SERP1: variants seen among roughly 807,000 people sequenced by gnomAD.
SERP1 encodes the protein stress associated endoplasmic reticulum protein 1, also known as stress-associated endoplasmic reticulum protein 1.
In SERP1, 6 loss-of-function variants were observed where a neutral mutation model predicts 8.8. The ratio of observed to expected loss-of-function variants is 0.68; its 90% CI spans 0.37 to 1.35. The LOEUF (loss-of-function observed/expected upper bound fraction) is 1.35, where lower values mean the gene tolerates loss of function less well. Among genes scored for constraint, SERP1 ranks in the 40% most tolerant of loss-of-function variants. The pLI is 0.02. For synonymous variants in SERP1, 36 were observed against 28.7 expected (o/e 1.25, Z -0.81); for missense variants, 52 against 86.2 (o/e 0.60, Z 1.57).
chr3:150,544,647 AG>A (rs1442349314), intron 2 of SERP1, 149 bp from the exon 3 acceptor site: 1 of 551,496 alleles, frequency 1.8e-6, no homozygotes, highest in East Asian at 3.1e-5. Flanking sequence ...AAGTGAAGAC[AG>A]GCCTGTCTGA....
rs1015504264 is a variant in SERP1, at chr3:150,543,304, C to T, written c.*1154G>A. 1.4e-4 allele frequency: 21 copies of T among 152,598 alleles called. No homozygotes were observed. The highest frequency in any genetic ancestry group is 4.8e-4 in the African/African-American group (20 of 41,528). 9.5% of individuals were successfully genotyped at this position (152,598 alleles called of 1,614,324 possible). Reference sequence around the variant, plus strand: ...CAAAACCTGCCCTATGACCCTCACCCTTACCATTAGTAAAACGTAAATTTG... The same window carrying T: ...CAAAACCTGCCCTATGACCCTCACCTTTACCATTAGTAAAACGTAAATTTG... On this transcript the variant is annotated 3_prime_UTR_variant, in exon 3 of 3. Transcript: ENST00000239944.
Position 150,546,190 on chromosome 3 carries a change from C to T in SERP1, c.-55G>A. The T allele has an allele frequency of 6.3e-7, 1 of 1,587,708 alleles. No individual in the cohort carries two copies. ...CCCCTCGGACTCGCTCACTCGCCTG[C>T]CTCCTCTGGAGCCGCTGCGAGGCTC... On this transcript the variant is annotated 5_prime_UTR_variant, in exon 1 of 3. Transcript: ENST00000239944.
intron 2 of SERP1, 91 bp downstream of exon 2, chr3:150,545,612 G>A (rs1021304017): frequency 2.5e-6 from 3 of 1,193,824 alleles, no homozygotes; most frequent in African/African-American, 3.0e-5. Context: ...TGAGAACTAC[G>A]CAGGTAGGAC....
In SERP1 at chr3:150,543,804, C is replaced by G. The variant is rs1165145341; in HGVS notation, c.*654G>C. 6.6e-6 allele frequency: 1 copy of G among 152,000 alleles called. No homozygotes were observed. Among genetic ancestry groups the G allele is most frequent in the African/African-American group, 2.4e-5 (1 of 41,376 alleles). 9.4% of individuals were successfully genotyped at this position (152,000 alleles called of 1,614,324 possible). On this transcript the variant is annotated 3_prime_UTR_variant, in exon 3 of 3. Coordinates refer to ENST00000239944, the MANE Select transcript of SERP1 (RefSeq NM_014445.4). ...TTATGGCATCTTGGGTTACTATACTCACTCATGCAAAATCCAAGGTAGTGT... is the reference window on the plus strand; with the variant it reads ...TTATGGCATCTTGGGTTACTATACTGACTCATGCAAAATCCAAGGTAGTGT...
intron 1 of SERP1, 27 bp downstream of exon 1, chr3:150,546,025 G>C: frequency 6.2e-7 from 1 of 1,612,100 alleles, no homozygotes. Flanking sequence ...GCTGCGGAAC[G>C]CAGAGGGGCG....
rs1308583922 is a variant in SERP1 at position 150,543,202 on chromosome 3, T to G, written c.*1256A>C. ...CAACGCATTAATACATAGACACTGC[T>G]CAGGTTTTTTTTCACCAAGTTATGG... On this transcript the variant is annotated 3_prime_UTR_variant, in exon 3 of 3. Transcript: ENST00000239944. 6.6e-6 allele frequency: 1 copy of G among 152,616 alleles called. No homozygotes were observed. Among genetic ancestry groups the G allele is most frequent in the Non-Finnish European group, 1.5e-5 (1 of 68,026 alleles). The allele number at this position is 152,616 out of a possible 1,614,324, so 9.5% of individuals were successfully genotyped here. A position where few individuals can be genotyped will look rare whatever the true frequency, so the allele number is the denominator to read the frequency against.
chr3:150,542,156 T>G lies in SERP1; in HGVS notation c.*2302A>C, dbSNP rs1183312758. The G allele has an allele frequency of 6.6e-6, 1 of 152,260 alleles. No individual in the cohort carries two copies. Among genetic ancestry groups the G allele is most frequent in the Non-Finnish European group, 1.5e-5 (1 of 68,046 alleles). 9.4% of individuals were successfully genotyped at this position (152,260 alleles called of 1,614,324 possible). On this transcript the variant is annotated 3_prime_UTR_variant, in exon 3 of 3. Coordinates refer to ENST00000239944, the MANE Select transcript of SERP1 (RefSeq NM_014445.4). ...TGACAACTTGTTGAAATGTTAGAGT[T>G]AAACCACAAAGAGTAACTGAGTAAT...
rs771649726 is a variant in SERP1, at chr3:150,546,178, C to T, written c.-43G>A. The T allele has an allele frequency of 9.4e-6, 15 of 1,600,634 alleles. No individual in the cohort carries two copies. The South Asian group carries it at 1.7e-4, about 18-fold the overall frequency. Reference sequence around the variant, plus strand: ...CTGCCCCGGCCACCCCTCGGACTCGCTCACTCGCCTGCCTCCTCTGGAGCC... The same window carrying T: ...CTGCCCCGGCCACCCCTCGGACTCGTTCACTCGCCTGCCTCCTCTGGAGCC... On this transcript the variant is annotated 5_prime_UTR_variant, in exon 1 of 3. Coordinates refer to ENST00000239944, the MANE Select transcript of SERP1 (RefSeq NM_014445.4).
Position 150,546,296 on chromosome 3 carries a change from A to G in SERP1, c.-161T>C. 5 of 760,622 alleles carry G rather than the reference A, an allele frequency of 6.6e-6. No individual in the cohort carries two copies. The highest frequency in any genetic ancestry group is 1.0e-5 in the Non-Finnish European group (5 of 486,500). 47.1% of individuals were successfully genotyped at this position (760,622 alleles called of 1,614,324 possible). ...ACGGCCGCTGGGCCTGGGCGCCGCA[A>G]GCGCGAGGTCTGAGCACAAGCCGGG... On this transcript the variant is annotated 5_prime_UTR_variant, in exon 1 of 3. Transcript: ENST00000239944.
rs994982391 is a variant in SERP1 at position 150,543,498 on chromosome 3, A to G, written c.*960T>C. On this transcript the variant is annotated 3_prime_UTR_variant, in exon 3 of 3. Coordinates refer to ENST00000239944, the MANE Select transcript of SERP1 (RefSeq NM_014445.4). The stretch of plus-strand genomic sequence containing the variant: ...ATTTGCAAACTAAGGATAACTTCGC[A>G]GTTGATGTGCCTTTTTTTGCTATTA... The G allele has an allele frequency of 1.3e-5, 2 of 152,626 alleles. No individual in the cohort carries two copies. Among genetic ancestry groups the G allele is most frequent in the African/African-American group, 4.8e-5 (2 of 41,436 alleles). 9.5% of individuals were successfully genotyped at this position (152,626 alleles called of 1,614,324 possible).
rs780967478 is a variant in SERP1, at chr3:150,544,466, C to T, written c.193G>A (p.Gly65Ser). ...TCTTAAGGTCAGTCACTTCACATGC[C>T]CATCCTGATACTTTGAATAATCTGG... ...IFQIIQSIRM[G>S]M The change falls in exon 3 of 3, where the codon GGC becomes AGC. Residue 65 changes from glycine (G) to serine (S), a missense_variant. Transcript: ENST00000239944. 1.2e-6 allele frequency: 2 copies of T among 1,612,456 alleles called. No homozygotes were observed. The highest frequency in any genetic ancestry group is 1.7e-5 in the Admixed American group (1 of 59,922).
At position 150,544,291 on chromosome 3, in the gene SERP1, T is replaced by C. The variant is rs957743926; in HGVS notation, c.*167A>G. 14 of 642,590 alleles carry C rather than the reference T, an allele frequency of 2.2e-5. No individual in the cohort carries two copies. Among genetic ancestry groups the C allele is most frequent in the Non-Finnish European group, 3.3e-5 (12 of 361,574 alleles). 39.8% of individuals were successfully genotyped at this position (642,590 alleles called of 1,614,324 possible). A position where few individuals can be genotyped will look rare whatever the true frequency, so the allele number is the denominator to read the frequency against. ...GGCACTGTGGTATGGACTAGAAAAC[T>C]TGGAATGACTCATGAAGAAACCTTG... On this transcript the variant is annotated 3_prime_UTR_variant, in exon 3 of 3. Transcript: ENST00000239944.
rs1386973434 is a variant in SERP1 at position 150,542,123 on chromosome 3, C to T, written c.*2335G>A. On this transcript the variant is annotated 3_prime_UTR_variant, in exon 3 of 3. Transcript: ENST00000239944. ...AACATTATATACAACCCAACAGATACAATTAATTGACAACTTGTTGAAATG... is the reference window on the plus strand; with the variant it reads ...AACATTATATACAACCCAACAGATATAATTAATTGACAACTTGTTGAAATG... 1 of 152,290 alleles carries T rather than the reference C, an allele frequency of 6.6e-6. No homozygotes were observed. Among genetic ancestry groups the T allele is most frequent in the Non-Finnish European group, 1.5e-5 (1 of 68,016 alleles). The allele number at this position is 152,290 out of a possible 1,614,324, so 9.4% of individuals were successfully genotyped here. A position where few individuals can be genotyped will look rare whatever the true frequency, so the allele number is the denominator to read the frequency against.
chr3:150,544,561 A>G, intron 2 of SERP1, 63 bp from the exon 3 acceptor site: 1 of 1,312,758 alleles, frequency 7.6e-7, no homozygotes, highest in Non-Finnish European at 1.1e-6. Flanking sequence ...GTGTCTAACA[A>G]ATATTTATTA....
At chr3:150,544,921 T>G in intron 2 of SERP1, among the ~76,000 whole-genome samples, 1 of 152,230 alleles carries the variant, frequency 6.6e-6, no homozygotes, top group Non-Finnish European at 1.5e-5. Context: ...TGCTTGGCTC[T>G]CATCCATTTA....
chr3:150,545,602 T>G, intron 2 of SERP1, 101 bp downstream of exon 2: 3 of 1,119,184 alleles, frequency 2.7e-6, no homozygotes, highest in Non-Finnish European at 4.0e-6. Flanking sequence ...GCAGGTGGGT[T>G]GAGAACTACG....
chr3:150,543,763 C>T lies in SERP1; in HGVS notation c.*695G>A, dbSNP rs550064603. On this transcript the variant is annotated 3_prime_UTR_variant, in exon 3 of 3. Transcript: ENST00000239944. ...CACAGTAACTGATTAAGTCAGAAAA[C>T]GATCAAGTTTTTTTTTTATGGCATC... The T allele has an allele frequency of 1.1e-4, 7 of 62,036 alleles. No homozygotes were observed. The highest frequency in any genetic ancestry group is 1.6e-3 in the South Asian group (2 of 1,268). The allele number at this position is 62,036 out of a possible 1,614,324, so 3.8% of individuals were successfully genotyped here. A position where few individuals can be genotyped will look rare whatever the true frequency, so the allele number is the denominator to read the frequency against.
At chr3:150,545,862 C>T (rs1722986198) in intron 1 of SERP1, 84 bp from the exon 2 acceptor site, 1 of 1,427,218 alleles carries the variant, frequency 7.0e-7, no homozygotes, top group Non-Finnish European at 9.6e-7. Flanking sequence ...GGTCGCCGGC[C>T]CCCTCACCTC....
chr3:150,545,957 G>A (rs555649735), intron 1 of SERP1, 95 bp downstream of exon 1: 3 of 1,525,516 alleles, frequency 2.0e-6, no homozygotes, highest in African/African-American at 2.7e-5. Context: ...ACCAGCCCAC[G>A]GTCGGCCGGA....
Sources: allele counts gnomAD v4.1 joint callset (sites outside exome capture counted in the v4.1 genomes callset), GRCh38; gene constraint gnomAD v4.1.1; transcripts MANE v1.5; gene names NCBI Gene and HGNC (gene_info 2026-07-23, HGNC 2026-07-21).